CLIC5: variants seen among roughly 807,000 people sequenced by gnomAD.
The protein encoded by CLIC5 is CLIC family member 5.
A neutral mutation model predicts 24.7 loss-of-function variants in CLIC5; 20 were observed. The ratio of observed to expected loss-of-function variants is 0.81; its 90% CI spans 0.57 to 1.18. The LOEUF is 1.18. CLIC5 is among the 50% of genes most tolerant of loss of function. The pLI is 0.00. For synonymous variants in CLIC5, 159 were observed against 135.6 expected (o/e 1.17, Z -1.20); for missense variants, 341 against 326.1 (o/e 1.05, Z -0.35).
At chr6:45,960,557 T>C (rs1465619556) in intron 1 of CLIC5, among the ~76,000 whole-genome samples, 4 of 152,162 alleles carry the variant, frequency 2.6e-5, no homozygotes, top group African/African-American at 9.7e-5. Context: ...ACCCCAGCTA[T>C]AGGCTCAGCA....
upstream of CLIC5, among the ~76,000 whole-genome samples, chr6:46,083,321 T>C (rs1226223382): frequency 6.6e-6 from 1 of 152,234 alleles, no homozygotes; most frequent in African/African-American, 2.4e-5. Flanking sequence ...TGCTAACTTT[T>C]GAATGTGTTT....
chr6:46,100,490 G>A, the CLIC5 span, among the ~76,000 whole-genome samples: 1 of 152,156 alleles, frequency 6.6e-6, no homozygotes, highest in Non-Finnish European at 1.5e-5. Flanking sequence ...GGCACAAGCT[G>A]CAGGAGCTAC....
downstream of CLIC5, among the ~76,000 whole-genome samples, chr6:45,897,048 A>C (rs1040410113): frequency 6.6e-6 from 1 of 152,202 alleles, no homozygotes; most frequent in Non-Finnish European, 1.5e-5. Context: ...GACCAGTTTC[A>C]GGGTTTGTTG....
At chr6:45,940,594 T>C (rs3777576) in intron 4 of CLIC5, among the ~76,000 whole-genome samples, 14,549 of 152,262 alleles carry the variant, frequency 0.096, 1,326 homozygotes, top group East Asian at 0.37. Context: ...TTTTGGTCCA[T>C]TGTGCATCAG....
upstream of CLIC5, among the ~76,000 whole-genome samples, chr6:46,082,190 T>TATACAGCATGTGCATATGG (rs1762937728): frequency 1.3e-5 from 2 of 152,312 alleles, no homozygotes; most frequent in East Asian, 1.9e-4. Flanking sequence ...CAAAGAATAG[T>TATACAGCATGTGCATATGG]ATACAGCATG....
rs1047544965 is a variant in CLIC5, at chr6:46,033,050, G to A, written c.540+46653C>T. On this transcript the variant is annotated intron_variant, in intron 1 of 5. Coordinates refer to the CLIC5 transcript ENST00000185206. ...GCCACCCAGGCTGGAGTGCAGTGGCGTGATCTTAGCTCACTGCAAACTCCG... is the reference window on the plus strand; with the variant it reads ...GCCACCCAGGCTGGAGTGCAGTGGCATGATCTTAGCTCACTGCAAACTCCG... Among the ~76,000 whole-genome samples the A allele has an allele frequency of 1.1e-4, 16 of 139,186 alleles. No homozygotes were observed. In the East Asian group the frequency reaches 1.7e-3, roughly 14 times the overall value. The allele number at this position is 139,186 out of a possible 152,430, so 91.3% of individuals were successfully genotyped here. A position where few individuals can be genotyped will look rare whatever the true frequency, so the allele number is the denominator to read the frequency against.
At chr6:46,003,966 T>C (rs566907401) in intron 1 of CLIC5, among the ~76,000 whole-genome samples, 1 of 152,206 alleles carries the variant, frequency 6.6e-6, no homozygotes, top group African/African-American at 2.4e-5. Context: ...GAGGATTAAC[T>C]ATCTTCCTTC....
At chr6:46,084,043 C>G (rs1447411452), upstream of CLIC5, among the ~76,000 whole-genome samples, 1 of 152,148 alleles carries the variant, frequency 6.6e-6, no homozygotes, top group Non-Finnish European at 1.5e-5. Context: ...CCTTCTTTGT[C>G]TCTTTTGATC....
intron 5 of CLIC5, among the ~76,000 whole-genome samples, chr6:45,911,363 A>G (rs1333746636): frequency 1.3e-5 from 2 of 152,190 alleles, no homozygotes; most frequent in Admixed American, 6.5e-5. Context: ...GTCCTTTGAT[A>G]AAGCTCTCAC....
chr6:46,059,325 G>C lies in CLIC5; in HGVS notation c.540+20378C>G, dbSNP rs1164743665. On this transcript the variant is annotated intron_variant, in intron 1 of 5. Transcript: ENST00000185206. ...GGTTGTACACAAATTAGAAATATAA[G>C]TGTATGTGTTAGGGTTTGCAACAGA... 3.3e-5 allele frequency among the ~76,000 whole-genome samples: 5 copies of C among 152,206 alleles called. No individual in the cohort carries two copies. The East Asian group carries it at 9.6e-4, about 29-fold the overall frequency.
At chr6:45,956,701 G>T (rs1764655916) in intron 1 of CLIC5, among the ~76,000 whole-genome samples, 1 of 152,100 alleles carries the variant, frequency 6.6e-6, no homozygotes, top group South Asian at 2.1e-4. Flanking sequence ...AGTGTTGGCT[G>T]CATGTAATTG....
At chr6:45,979,210 C>T (rs1765487244) in intron 1 of CLIC5, among the ~76,000 whole-genome samples, 5 of 152,156 alleles carry the variant, frequency 3.3e-5, no homozygotes, top group Admixed American at 2.0e-4. Flanking sequence ...TCTCACAGTG[C>T]CATGAAGACC....
chr6:46,080,016 G>A, exon 1 of CLIC5: 1 of 1,551,570 alleles, frequency 6.4e-7, no homozygotes, highest in Non-Finnish European at 8.7e-7. Flanking sequence ...TCTGTCTTCT[G>A]ACTGGACAGA....
chr6:45,959,412 T>C (rs114981103), intron 1 of CLIC5, among the ~76,000 whole-genome samples: 1 of 152,250 alleles, frequency 6.6e-6, no homozygotes, highest in Admixed American at 6.5e-5. Flanking sequence ...AGAAATTTAG[T>C]AAAAGTGGCA....
At chr6:45,985,919 G>C (rs1383037197) in intron 1 of CLIC5, among the ~76,000 whole-genome samples, 2 of 152,054 alleles carry the variant, frequency 1.3e-5, no homozygotes, top group Non-Finnish European at 2.9e-5. Context: ...TGTCATGGCA[G>C]GGACCCAGTG....
intron 6 of CLIC5, among the ~76,000 whole-genome samples, chr6:45,891,814 C>A (rs918020082): frequency 6.6e-6 from 1 of 152,024 alleles, no homozygotes; most frequent in Non-Finnish European, 1.5e-5. Context: ...AATTGCATGA[C>A]TTTTCTTTTA....
At chr6:45,954,396 C>T (rs1204494398) in intron 2 of CLIC5, among the ~76,000 whole-genome samples, 1 of 151,660 alleles carries the variant, frequency 6.6e-6, no homozygotes, top group Admixed American at 6.6e-5. Flanking sequence ...GATAAGAGAA[C>T]ATCCAAGTGA....
At chr6:45,936,989 C>A (rs1429040239) in intron 4 of CLIC5, among the ~76,000 whole-genome samples, 1 of 151,958 alleles carries the variant, frequency 6.6e-6, no homozygotes, top group Non-Finnish European at 1.5e-5. Context: ...GGACCTGGAT[C>A]TAGAAATTAC....
chr6:45,941,191 G>T (rs183871624), intron 4 of CLIC5, among the ~76,000 whole-genome samples: 4 of 152,352 alleles, frequency 2.6e-5, no homozygotes, highest in African/African-American at 9.6e-5. Context: ...GCTCTAATGT[G>T]ATCACAGGCA....
Sources: allele counts gnomAD v4.1 joint callset (sites outside exome capture counted in the v4.1 genomes callset), GRCh38; gene constraint gnomAD v4.1.1; transcripts MANE v1.5; gene names NCBI Gene and HGNC (gene_info 2026-07-23, HGNC 2026-07-21).